ABR: variants seen among roughly 807,000 people sequenced by gnomAD.
The protein encoded by ABR is active breakpoint cluster region-related protein.
ABR carries 35 observed loss-of-function variants against 107.2 expected under a neutral mutation model. The ratio of observed to expected loss-of-function variants is 0.33; its 90% confidence interval spans 0.25 to 0.43. ABR has a LOEUF of 0.43. Ranked by LOEUF, ABR falls within the 20% of genes least tolerant of loss-of-function variation. The pLI, the probability that ABR is intolerant of heterozygous loss-of-function variation, is 1.00. For missense variants in ABR, 815 were observed against 1,115.2 expected, an observed-to-expected ratio of 0.73 and a Z score of 3.83; for synonymous variants, 498 against 462.0, an observed-to-expected ratio of 1.08 and a Z score of -1.00.
At chr17:1,187,925 A>T (rs542747564), upstream of ABR, among the ~76,000 whole-genome samples, 4 of 148,576 alleles carry the variant, frequency 2.7e-5, no homozygotes, top group South Asian at 2.2e-4. Flanking sequence ...ATAAAATATT[A>T]TCAAATTGGG....
intron 2 of ABR, among the ~76,000 whole-genome samples, chr17:1,124,501 C>T (rs559023707): frequency 6.6e-6 from 1 of 152,274 alleles, no homozygotes; most frequent in Non-Finnish European, 1.5e-5. Context: ...CCGACAGGCA[C>T]ACACGAGCTG....
intron 5 of ABR, among the ~76,000 whole-genome samples, chr17:1,081,758 GTA>G (rs2036251590): frequency 6.6e-6 from 1 of 151,540 alleles, no homozygotes; most frequent in South Asian, 2.1e-4. Flanking sequence ...TGTATCTTTA[GTA>G]GAGACGGCGT....
intron 10 of ABR, among the ~76,000 whole-genome samples, chr17:1,061,210 C>G (rs1366548816): frequency 6.6e-6 from 1 of 151,836 alleles, no homozygotes; most frequent in African/African-American, 2.4e-5. Flanking sequence ...GTTGACTCGA[C>G]TGGGCACAAG....
chr17:1,103,297 G>A (rs73975633), intron 2 of ABR, among the ~76,000 whole-genome samples: 1,548 of 151,894 alleles, frequency 0.01, 22 homozygotes, highest in African/African-American at 0.035. Context: ...ACGTAGCCCC[G>A]GGGGACAAGA....
Position 1,179,590 on chromosome 17 carries a change from C to A in ABR, c.61+77G>T. ...CGATCCCGATCTTGGGGTCCCGATCCCGATCCTGGGGTCCCGATCTCCATC... is the reference window on the plus strand; with the variant it reads ...CGATCCCGATCTTGGGGTCCCGATCACGATCCTGGGGTCCCGATCTCCATC... On this transcript the variant is annotated intron_variant, in intron 1 of 22. Transcript: ENST00000302538. This position sits in a 1 kb window ranked among gnomAD's most constrained non-coding sequence, Gnocchi z 4.9. 1 of 1,378,060 alleles carries A rather than the reference C, an allele frequency of 7.3e-7. No individual in the cohort carries two copies. Among genetic ancestry groups the A allele is most frequent in the Non-Finnish European group, 9.5e-7 (1 of 1,050,170 alleles). 85.4% of individuals were successfully genotyped at this position (1,378,060 alleles called of 1,614,324 possible). A position where few individuals can be genotyped will look rare whatever the true frequency, so the allele number is the denominator to read the frequency against.
chr17:1,012,978 C>G, intron 17 of ABR, 127 bp downstream of exon 17: 1 of 1,222,276 alleles, frequency 8.2e-7, no homozygotes, highest in Non-Finnish European at 1.2e-6. Flanking sequence ...GGAGAGGGGG[C>G]TGGGCTGCGG....
Position 1,006,018 on chromosome 17 carries a change from G to T in ABR, c.*62C>A. The T allele has an allele frequency of 7.0e-7, 1 of 1,420,554 alleles. No individual in the cohort carries two copies. Among genetic ancestry groups the T allele is most frequent in the Non-Finnish European group, 9.7e-7 (1 of 1,028,184 alleles). The allele number at this position is 1,420,554 out of a possible 1,614,324, so 88.0% of individuals were successfully genotyped here. A position where few individuals can be genotyped will look rare whatever the true frequency, so the allele number is the denominator to read the frequency against. ...TTTTCTATTGCAGTCTTTCAAGTCT[G>T]AGTTGGACCCCAGGCTGGAGGGGCT... On this transcript the variant is annotated 3_prime_UTR_variant, in exon 23 of 23. Coordinates refer to ENST00000302538, the MANE Select transcript of ABR (RefSeq NM_021962.5).
Position 1,058,832 on chromosome 17 carries a change from G to A in ABR, c.1218C>T (p.Arg406=). The change falls in exon 11 of 23, where the codon CGC becomes CGT. Residue 406 remains arginine (R), a synonymous_variant. Transcript: ENST00000302538. Reference sequence around the variant, plus strand: ...CATTCTCAAACATCTTCTTCTTCAGGCGCTCGATGGCCCGGCTCTGGCCTT... The same window carrying A: ...CATTCTCAAACATCTTCTTCTTCAGACGCTCGATGGCCCGGCTCTGGCCTT... The part of the protein sequence containing the change: ...ANKGQSRAIE[R]LKKKMFENEF... 1 of 1,614,102 alleles carries A rather than the reference G, an allele frequency of 6.2e-7. No homozygotes were observed. Among genetic ancestry groups the A allele is most frequent in the Non-Finnish European group, 8.5e-7 (1 of 1,180,026 alleles).
chr17:1,073,488 A>G, intron 7 of ABR, 137 bp downstream of exon 7: 1 of 673,060 alleles, frequency 1.5e-6, no homozygotes, highest in Non-Finnish European at 2.2e-6. Flanking sequence ...CGCGGGCCAG[A>G]CAGGCATCCT....
At position 1,010,982 on chromosome 17, in the gene ABR, G is replaced by A. The variant is rs978723414; in HGVS notation, c.2102-119C>T. On this transcript the variant is annotated intron_variant, in intron 19 of 22. Coordinates refer to ENST00000302538, the MANE Select transcript of ABR (RefSeq NM_021962.5). This position sits in a 1 kb window ranked among gnomAD's most constrained non-coding sequence, Gnocchi z 4.1. ...GCTCTGGTTCTGGTCTCCCCTGGAA[G>A]AGCAGGATGTAGAGAGGGCCCACAG... is the stretch of plus-strand genomic sequence containing the variant. The A allele has an allele frequency of 1.2e-5, 17 of 1,384,184 alleles. No individual in the cohort carries two copies. The highest frequency in any genetic ancestry group is 5.4e-5 in the Admixed American group (3 of 55,274). 85.7% of individuals were successfully genotyped at this position (1,384,184 alleles called of 1,614,324 possible).
intron 1 of ABR, among the ~76,000 whole-genome samples, chr17:1,213,475 C>A (rs1205715049): frequency 6.6e-6 from 1 of 150,924 alleles, no homozygotes; most frequent in Non-Finnish European, 1.5e-5. Context: ...CTGCAACCTC[C>A]GCCTCCCAGA....
chr17:1,137,166 C>A (rs2040104895), intron 1 of ABR, among the ~76,000 whole-genome samples: 1 of 152,078 alleles, frequency 6.6e-6, no homozygotes, highest in Non-Finnish European at 1.5e-5. Context: ...ACCTCAGACT[C>A]CTGAGTAGCT....
intron 4 of ABR, among the ~76,000 whole-genome samples, chr17:1,089,905 A>G (rs1376018716): frequency 6.6e-6 from 1 of 152,218 alleles, no homozygotes; most frequent in Non-Finnish European, 1.5e-5. Flanking sequence ...GGTTGCAGTG[A>G]GCCGAGATCA....
intron 16 of ABR, among the ~76,000 whole-genome samples, chr17:1,046,577 C>G (rs1214554085): frequency 6.6e-6 from 1 of 152,228 alleles, no homozygotes; most frequent in Non-Finnish European, 1.5e-5. Context: ...GCACCAGGCA[C>G]AAGTGTCCCC....
rs2040727695 is a variant in ABR at position 1,150,010 on chromosome 17, A to G, written c.62-24643T>C. On this transcript the variant is annotated intron_variant, in intron 1 of 22. Transcript: ENST00000302538. This position sits in a 1 kb window ranked among gnomAD's most constrained non-coding sequence, Gnocchi z 4.8. ...CTAAGAACAGGGCCTGGCACGTGGT[A>G]TAACGTTAGTGGCTGTTATTGTCGT... 6.6e-6 allele frequency among the ~76,000 whole-genome samples: 1 copy of G among 152,200 alleles called. No individual in the cohort carries two copies. The highest frequency in any genetic ancestry group is 1.5e-5 in the Non-Finnish European group (1 of 68,034).
intron 1 of ABR, among the ~76,000 whole-genome samples, chr17:1,215,385 C>T (rs1444413821): frequency 2.4e-4 from 37 of 152,212 alleles, no homozygotes; most frequent in Admixed American, 2.3e-3. Context: ...ATTGCAGGCG[C>T]GCGCTGCCAT....
chr17:1,011,855 A>G lies in ABR; in HGVS notation c.2092T>C (p.Phe698Leu). 1 of 1,578,626 alleles carries G rather than the reference A, an allele frequency of 6.3e-7. No individual in the cohort carries two copies. The highest frequency in any genetic ancestry group is 2.3e-5 in the East Asian group (1 of 44,158). The change falls in exon 19 of 23, where the codon TTC becomes CTC. Residue 698 changes from phenylalanine to leucine, a missense_variant. Physicochemically the swap from Phe to Leu is conservative, Grantham distance 22. Around this residue, in one of 5 missense-constraint regions of ABR, gnomAD observed 175 missense variants for 284.3 expected, o/e 0.62. Coordinates refer to ENST00000302538, the MANE Select transcript of ABR (RefSeq NM_021962.5). The surrounding 1 kb of genome is among the most constrained non-coding windows in gnomAD (Gnocchi z 4.8). ...GGCCTCCCAGACTCACTGGCATCGAAGACGGCCTTGAGCGCCTGGATGTCC... is the reference window on the plus strand; with the variant it reads ...GGCCTCCCAGACTCACTGGCATCGAGGACGGCCTTGAGCGCCTGGATGTCC... ...ATDIQALKAV[F>L]DANNKDILLM...
chr17:1,213,595 G>A (rs2042943987), intron 1 of ABR, among the ~76,000 whole-genome samples: 1 of 152,034 alleles, frequency 6.6e-6, no homozygotes, highest in Non-Finnish European at 1.5e-5. Flanking sequence ...GTTTCACCAT[G>A]TTGGTCAGGC....
chr17:1,042,444 G>A (rs746137643), intron 16 of ABR, among the ~76,000 whole-genome samples: 1 of 151,438 alleles, frequency 6.6e-6, no homozygotes, highest in African/African-American at 2.4e-5. Context: ...CAGATGGACA[G>A]GCGGATAAAC....
Sources: allele counts gnomAD v4.1 joint callset (sites outside exome capture counted in the v4.1 genomes callset), GRCh38; gene constraint gnomAD v4.1.1; regional missense constraint gnomAD v4.1.1; non-coding constraint Gnocchi (gnomAD v3.1); transcripts MANE v1.5; gene names NCBI Gene and HGNC (gene_info 2026-07-23, HGNC 2026-07-21).